Variants in ADGRG7 observed in about 807,000 individuals in gnomAD.
The protein encoded by ADGRG7 is adhesion G protein-coupled receptor G7.
ADGRG7 carries 82 observed loss-of-function variants against 88.6 expected under a neutral mutation model. That is an observed-to-expected ratio of 0.93 (90% CI 0.77 to 1.11). The LOEUF is 1.11. Among genes scored for constraint, ADGRG7 ranks in the 50% most tolerant of loss-of-function variants. The pLI is 0.00. For synonymous variants in ADGRG7, 381 were observed against 345.2 expected (o/e 1.10, Z -1.15); for missense variants, 945 against 953.4 (o/e 0.99, Z 0.12).
chr3:100,649,316 G>A (rs148474559), intron 10 of ADGRG7, among the ~76,000 whole-genome samples: 221 of 152,298 alleles, frequency 1.5e-3, no homozygotes, highest in African/African-American at 5.0e-3. Context: ...TATTTTCAGA[G>A]TGCAAAACTG....
intron 15 of ADGRG7, among the ~76,000 whole-genome samples, chr3:100,682,499 C>A (rs1443198196): frequency 1.3e-5 from 2 of 152,338 alleles, no homozygotes; most frequent in East Asian, 3.9e-4. Flanking sequence ...CCTGAGGCTG[C>A]GTCCTCAGGA....
chr3:100,653,753 T>C (rs1262271951), intron 11 of ADGRG7, among the ~76,000 whole-genome samples: 4 of 152,112 alleles, frequency 2.6e-5, no homozygotes, highest in Non-Finnish European at 5.9e-5. Context: ...CAGCTGCATC[T>C]TTCTCCCTCT....
At chr3:100,633,522 A>ATTAT (rs1399239178) in intron 4 of ADGRG7, 145 bp downstream of exon 4, 20 of 442,522 alleles carry the variant, frequency 4.5e-5, no homozygotes, top group Middle Eastern at 3.1e-4. Flanking sequence ...AGCCACTCTT[A>ATTAT]TTATTTATTT....
In ADGRG7 at chr3:100,643,290, T is replaced by C. The variant is rs1488886405; in HGVS notation, c.723T>C (p.Tyr241=). The C allele has an allele frequency of 3.7e-6, 6 of 1,613,804 alleles. No homozygotes were observed. Among genetic ancestry groups the C allele is most frequent in the South Asian group, 3.3e-5 (3 of 90,976 alleles). ...GGCTTATTGAGCAAATGGAGACTTA[T>C]TCCTTGTCTTTGGGTAATCAATCAG... The part of the protein sequence containing the change: ...LTTLIEQMET[Y]SLSLGNQSVV... Residue 241 remains tyrosine (Y), a synonymous_variant, in exon 7 of 16, where the codon TAT becomes TAC. Coordinates refer to ENST00000273352, the MANE Select transcript of ADGRG7 (RefSeq NM_032787.3).
chr3:100,646,757 G>A (rs2149026454), intron 10 of ADGRG7, 33 bp downstream of exon 10: 2 of 1,581,416 alleles, frequency 1.3e-6, no homozygotes, highest in Admixed American at 1.7e-5. Context: ...CTTTCCAGAT[G>A]AGAATTTTCC....
intron 1 of ADGRG7, among the ~76,000 whole-genome samples, chr3:100,618,067 GT>G (rs1434528611): frequency 6.6e-6 from 1 of 152,092 alleles, no homozygotes; most frequent in Non-Finnish European, 1.5e-5. Flanking sequence ...GGGGTTGTTT[GT>G]TTTTTTCTTG....
intron 15 of ADGRG7, among the ~76,000 whole-genome samples, 176 bp from the exon 16 acceptor site, chr3:100,694,568 A>G (rs2094999044): frequency 6.6e-6 from 1 of 152,176 alleles, no homozygotes; most frequent in South Asian, 2.1e-4. Context: ...TGTATATGGG[A>G]AAACTTTGCC....
intron 14 of ADGRG7, among the ~76,000 whole-genome samples, chr3:100,666,181 C>T (rs746440676): frequency 1.5e-4 from 22 of 151,626 alleles, no homozygotes; most frequent in Non-Finnish European, 2.6e-4. Flanking sequence ...GGGTGTTTCT[C>T]GTAAGGTGGA....
rs550809239 is a variant in ADGRG7, at chr3:100,694,861, C to T, written c.2254C>T (p.Arg752Trp). The T allele has an allele frequency of 3.8e-5, 61 of 1,614,026 alleles. 1 individual carries two copies. The South Asian group carries it at 4.3e-4, about 11-fold the overall frequency. The change falls in exon 16 of 16, where the codon CGG becomes TGG. Residue 752 changes from arginine to tryptophan, a missense_variant. Physicochemically the swap from Arg to Trp is moderately radical, Grantham distance 101. Coordinates refer to ENST00000273352, the MANE Select transcript of ADGRG7 (RefSeq NM_032787.3). ...GRRKSLPSVTRPRLRVKMYNF... is the reference protein window; with the variant it reads ...GRRKSLPSVTWPRLRVKMYNF... ...AAGGAAGTCATTGCCTTCAGTGACG[C>T]GGCCGAGGCTGCGTGTAAAGATGTA...
intron 8 of ADGRG7, among the ~76,000 whole-genome samples, chr3:100,645,368 A>G (rs1222535461): frequency 6.6e-6 from 1 of 152,218 alleles, no homozygotes; most frequent in Non-Finnish European, 1.5e-5. Flanking sequence ...CATGATTGTC[A>G]TGACACAGAG....
chr3:100,676,858 C>G (rs969139861), intron 15 of ADGRG7, among the ~76,000 whole-genome samples: 10 of 151,696 alleles, frequency 6.6e-5, no homozygotes, highest in African/African-American at 2.4e-4. Flanking sequence ...GTATAGTGAC[C>G]TTTTTCCTTT....
chr3:100,679,798 C>A (rs1475044148), intron 15 of ADGRG7, among the ~76,000 whole-genome samples: 1 of 152,138 alleles, frequency 6.6e-6, no homozygotes, highest in Non-Finnish European at 1.5e-5. Flanking sequence ...CAACTCCTCA[C>A]CATGATTGAT....
chr3:100,620,239 C>G (rs1008004750), intron 1 of ADGRG7, among the ~76,000 whole-genome samples: 1 of 152,180 alleles, frequency 6.6e-6, no homozygotes, highest in Non-Finnish European at 1.5e-5. Flanking sequence ...CCCTGGGATG[C>G]AAGGCTGGTT....
At chr3:100,686,083 G>A (rs1236977229) in intron 15 of ADGRG7, among the ~76,000 whole-genome samples, 2 of 151,512 alleles carry the variant, frequency 1.3e-5, no homozygotes, top group African/African-American at 4.9e-5. Context: ...GGTGTGAGAT[G>A]GTATCTCATT....
At chr3:100,613,858 T>A (rs1283102333) in intron 1 of ADGRG7, among the ~76,000 whole-genome samples, 1 of 152,282 alleles carries the variant, frequency 6.6e-6, no homozygotes, top group African/African-American at 2.4e-5. Flanking sequence ...GGGAAAAATG[T>A]ACAAGAGTAG....
Position 100,633,793 on chromosome 3 carries a change from A to AT in ADGRG7, c.447+418dup, listed in dbSNP as rs1170786451. On this transcript the variant is annotated intron_variant, in intron 4 of 15. Coordinates refer to ENST00000273352, the MANE Select transcript of ADGRG7 (RefSeq NM_032787.3). Reference sequence around the variant, plus strand: ...TGCCTCAGCCTCCCGAAGTGCAGGGATTACAGGCGTAGTAAGTAAGCCACC... The same window carrying AT: ...TGCCTCAGCCTCCCGAAGTGCAGGGATTTACAGGCGTAGTAAGTAAGCCACC... 2.0e-5 allele frequency among the ~76,000 whole-genome samples: 3 copies of AT among 152,192 alleles called. No individual in the cohort carries two copies. The East Asian group carries it at 5.8e-4, about 29-fold the overall frequency.
intron 8 of ADGRG7, 135 bp downstream of exon 8, chr3:100,643,768 C>T (rs539686388): frequency 3.3e-6 from 2 of 604,724 alleles, no homozygotes; most frequent in Admixed American, 6.4e-5. Flanking sequence ...AGTTTGAGCT[C>T]TGACATATTA....
At chr3:100,687,880 T>G (rs1249157882) in intron 15 of ADGRG7, among the ~76,000 whole-genome samples, 1 of 152,224 alleles carries the variant, frequency 6.6e-6, no homozygotes, top group Admixed American at 6.5e-5. Flanking sequence ...ATCAGGATGA[T>G]GCTGGTCTCA....
chr3:100,620,070 C>A (rs1487865608), intron 1 of ADGRG7, among the ~76,000 whole-genome samples: 1 of 152,160 alleles, frequency 6.6e-6, no homozygotes, highest in Non-Finnish European at 1.5e-5. Flanking sequence ...AGGCCAGCCT[C>A]ATCCTGTTAC....
Sources: gnomAD v4.1 joint callset for allele counts (sites outside exome capture counted in the v4.1 genomes callset) on GRCh38, gnomAD v4.1.1 for gene constraint, MANE v1.5 for transcripts, NCBI Gene and HGNC (gene_info 2026-07-23, HGNC 2026-07-21) for gene names.